The following DCHS2 variants were observed in gnomAD, a reference collection of about 807,000 sequenced individuals.
DCHS2 encodes protocadherin-23.
Under a neutral mutation model 182.4 loss-of-function variants are expected in DCHS2, and 142 were observed. The observed-to-expected ratio is 0.78, with a 90% CI of 0.68 to 0.89. DCHS2 has a LOEUF of 0.89. DCHS2 is among the 40% of genes least tolerant of loss of function. The pLI is 0.00. For synonymous variants in DCHS2, 1,740 were observed against 1,663.3 expected (o/e 1.05, Z -1.12); for missense variants, 4,319 against 4,198.6 (o/e 1.03, Z -0.79).
chr4:154,477,294 A>G (rs1346668732), intron 1 of DCHS2, among the ~76,000 whole-genome samples: 1 of 152,068 alleles, frequency 6.6e-6, no homozygotes, highest in Non-Finnish European at 1.5e-5. Context: ...ATGCAGATGC[A>G]ACCCTCATAA....
chr4:154,376,380 A>G (rs1730893232), intron 2 of DCHS2, among the ~76,000 whole-genome samples: 2 of 152,144 alleles, frequency 1.3e-5, no homozygotes, highest in Non-Finnish European at 2.9e-5. Flanking sequence ...TTTAAAATCC[A>G]GGAATTTATA....
At chr4:154,254,525 A>G (rs916341486) in intron 16 of DCHS2, among the ~76,000 whole-genome samples, 53 of 152,180 alleles carry the variant, frequency 3.5e-4, no homozygotes, top group African/African-American at 1.2e-3. Flanking sequence ...CCACTCATGG[A>G]TATTTTAGAA....
intron 14 of DCHS2, among the ~76,000 whole-genome samples, chr4:154,260,295 A>G (rs1057505322): frequency 6.6e-6 from 1 of 152,114 alleles, no homozygotes; most frequent in Non-Finnish European, 1.5e-5. Flanking sequence ...GAAAGAAACT[A>G]TGAAATACCA....
At chr4:154,303,272 G>A (rs568431403) in intron 12 of DCHS2, among the ~76,000 whole-genome samples, 14 of 151,948 alleles carry the variant, frequency 9.2e-5, no homozygotes, top group African/African-American at 1.5e-4. Context: ...ATGACCCACC[G>A]TACCTGGACA....
rs778429450 is a variant in DCHS2 at position 154,489,558 on chromosome 4, C to A, written c.1798G>T (p.Ala600Ser). ...ATGGCAAAAGATGGTCCACACTCTG[C>A]GGTGTGGACCATCTTTGATTGCAGG... ...GSLQSKMVHTAECGPSFAIDS... is the reference protein window; with the variant it reads ...GSLQSKMVHTSECGPSFAIDS... The change falls in exon 1 of 20, where the codon GCA becomes TCA. Residue 600 changes from alanine (A) to serine (S), a missense_variant. Physicochemically the swap from Ala to Ser is moderately conservative, Grantham distance 99. Coordinates refer to ENST00000357232, the MANE Select transcript of DCHS2 (RefSeq NM_001358235.2). 1.3e-6 allele frequency: 2 copies of A among 1,551,042 alleles called. No individual in the cohort carries two copies. Among genetic ancestry groups the A allele is most frequent in the Middle Eastern group, 1.7e-4 (1 of 5,990 alleles).
At chr4:154,441,626 TAA>T (rs10683172) in intron 1 of DCHS2, among the ~76,000 whole-genome samples, 2 of 149,638 alleles carry the variant, frequency 1.3e-5, no homozygotes, top group East Asian at 1.9e-4. Context: ...TTCCCTGAAT[TAA>T]AAAAAAAAAC....
chr4:154,357,745 G>A (rs1015474154), intron 3 of DCHS2, among the ~76,000 whole-genome samples: 1 of 152,152 alleles, frequency 6.6e-6, no homozygotes, highest in African/African-American at 2.4e-5. Context: ...CTGATCACTT[G>A]CAGTATGGCC....
Position 154,375,835 on chromosome 4 carries a change from C to T in DCHS2, c.2244+1418G>A, listed in dbSNP as rs1730866989. On this transcript the variant is annotated intron_variant, in intron 2 of 19. Transcript: ENST00000357232. The stretch of plus-strand genomic sequence containing the variant: ...AAGAAGCATAGCCTAAAATGGATAC[C>T]ACCAACTATAGAACAGGTTAAAATT... Among the ~76,000 whole-genome samples the T allele has an allele frequency of 3.3e-5, 5 of 151,972 alleles. No individual in the cohort carries two copies. The South Asian group carries it at 1.0e-3, about 32-fold the overall frequency.
chr4:154,418,874 T>C lies in DCHS2; in HGVS notation c.2053-41430A>G, dbSNP rs1221729663. Among the ~76,000 whole-genome samples the C allele has an allele frequency of 2.0e-5, 3 of 152,242 alleles. 1 individual carries two copies. The highest frequency in any genetic ancestry group is 2.0e-4 in the Admixed American group (3 of 15,290). On this transcript the variant is annotated intron_variant, in intron 1 of 19. Coordinates refer to ENST00000357232, the MANE Select transcript of DCHS2 (RefSeq NM_001358235.2). ...GAGAAGACACCATTCCATAAGCTTTTGTACATATTTTACAATTTGAAATAA... is the reference window on the plus strand; with the variant it reads ...GAGAAGACACCATTCCATAAGCTTTCGTACATATTTTACAATTTGAAATAA...
At chr4:154,479,243 A>C (rs1735816912) in intron 1 of DCHS2, among the ~76,000 whole-genome samples, 1 of 152,182 alleles carries the variant, frequency 6.6e-6, no homozygotes, top group Admixed American at 6.5e-5. Flanking sequence ...TGAATTTGAA[A>C]ATAATACAAG....
intron 2 of DCHS2, among the ~76,000 whole-genome samples, chr4:154,369,260 G>A (rs1730530583): frequency 6.6e-6 from 1 of 152,162 alleles, no homozygotes; most frequent in Non-Finnish European, 1.5e-5. Flanking sequence ...GGAAAATGCT[G>A]AATTCACCAA....
intron 1 of DCHS2, among the ~76,000 whole-genome samples, chr4:154,447,675 T>G (rs1734359076): frequency 6.6e-6 from 1 of 152,172 alleles, no homozygotes; most frequent in Non-Finnish European, 1.5e-5. Context: ...CAAGAGGGCT[T>G]TAATAACAAT....
chr4:154,255,675 G>A lies in DCHS2; in HGVS notation c.6790-5C>T, dbSNP rs778463590. Reference sequence around the variant, plus strand: ...GTCCAAGTCGGTAGCAAAAACCTGTGAGGAACCGACTGTTTCATTAGATAA... The same window carrying A: ...GTCCAAGTCGGTAGCAAAAACCTGTAAGGAACCGACTGTTTCATTAGATAA... On this transcript the variant is annotated splice_region_variant and splice_polypyrimidine_tract_variant and intron_variant, in intron 15 of 19. Transcript: ENST00000357232. The A allele has an allele frequency of 4.3e-6, 7 of 1,611,332 alleles. No homozygotes were observed. The highest frequency in any genetic ancestry group is 5.9e-6 in the Non-Finnish European group (7 of 1,178,856).
rs188558039 is a variant in DCHS2, at chr4:154,322,463, A to G, written c.4044T>C (p.Ile1348=). The G allele has an allele frequency of 8.1e-6, 13 of 1,613,094 alleles. No individual in the cohort carries two copies. In the African/African-American group the frequency reaches 1.7e-4, roughly 21 times the overall value. The part of the protein sequence containing the change: ...SSEDSSDHFK[I]DANNGEIRTT... ...TTCTTATTTCACCATTGTTGGCGTC[A>G]ATCTTAAAGTGATCAGAACTATCTT... Residue 1348 remains isoleucine, a synonymous_variant, in exon 8 of 20, where the codon ATT becomes ATC. Coordinates refer to ENST00000357232, the MANE Select transcript of DCHS2 (RefSeq NM_001358235.2).
intron 1 of DCHS2, among the ~76,000 whole-genome samples, chr4:154,396,858 C>T (rs1731947324): frequency 6.6e-6 from 1 of 152,178 alleles, no homozygotes; most frequent in African/African-American, 2.4e-5. Context: ...AGGTAATCTT[C>T]CCTTCCTCTG....
intron 13 of DCHS2, among the ~76,000 whole-genome samples, chr4:154,277,298 G>A (rs1049925466): frequency 5.3e-5 from 8 of 152,156 alleles, no homozygotes; most frequent in African/African-American, 1.9e-4. Context: ...ACTTGGCTCA[G>A]AATACTGATG....
intron 14 of DCHS2, among the ~76,000 whole-genome samples, chr4:154,268,167 A>T (rs1379944417): frequency 1.3e-5 from 2 of 152,078 alleles, no homozygotes; most frequent in African/African-American, 4.8e-5. Context: ...TGTAGATCTT[A>T]GCAACCTCAG....
Position 154,320,517 on chromosome 4 carries a change from C to A in DCHS2, c.4882G>T (p.Val1628Phe). The change falls in exon 9 of 20, where the codon GTC (valine) becomes TTC (phenylalanine). Residue 1628 changes from valine (V) to phenylalanine (F), a missense_variant. Coordinates refer to ENST00000357232, the MANE Select transcript of DCHS2 (RefSeq NM_001358235.2). ...PTFISFPNAHVKEDVTVGSLV... is the reference protein window; with the variant it reads ...PTFISFPNAHFKEDVTVGSLV... ...GAGCCCACTGTGACATCCTCTTTGA[C>A]ATGGGCATTGGGGAAAGAAATAAAA... 6.2e-7 allele frequency: 1 copy of A among 1,614,060 alleles called. No homozygotes were observed. The highest frequency in any genetic ancestry group is 8.5e-7 in the Non-Finnish European group (1 of 1,179,994).
At chr4:154,468,870 A>G (rs1371649120) in intron 1 of DCHS2, among the ~76,000 whole-genome samples, 1 of 152,132 alleles carries the variant, frequency 6.6e-6, no homozygotes, top group Non-Finnish European at 1.5e-5. Context: ...AATACGGATC[A>G]TGCTATTGTG....
Sources: allele counts gnomAD v4.1 joint callset (sites outside exome capture counted in the v4.1 genomes callset), GRCh38; gene constraint gnomAD v4.1.1; transcripts MANE v1.5; gene names NCBI Gene and HGNC (gene_info 2026-07-23, HGNC 2026-07-21).